Variants in ULK4 observed in about 807,000 individuals in gnomAD.
ULK4 encodes the protein inactive serine/threonine-protein kinase ULK4.
ULK4 carries 133 observed loss-of-function variants against 160.6 expected under a neutral mutation model. The ratio of observed to expected loss-of-function variants is 0.83; its 90% CI spans 0.72 to 0.96. The LOEUF is 0.96. ULK4 is among the 40% of genes least tolerant of loss of function. The probability of loss-of-function intolerance (pLI) is 0.00; values close to 1 mark genes in which losing one functional copy is unlikely to be tolerated. For synonymous variants in ULK4, 534 were observed against 539.8 expected, an observed-to-expected ratio of 0.99 and a Z score of 0.15; for missense variants, 1,580 against 1,499.5, an observed-to-expected ratio of 1.05 and a Z score of -0.89.
intron 19 of ULK4, among the ~76,000 whole-genome samples, chr3:41,817,811 C>A (rs1442708984): frequency 6.6e-6 from 1 of 151,950 alleles, no homozygotes; most frequent in Non-Finnish European, 1.5e-5. Context: ...ATAAGGACTT[C>A]AACTCAAGAG....
At chr3:41,308,833 C>CT (rs34720337) in intron 35 of ULK4, among the ~76,000 whole-genome samples, 84,022 of 151,924 alleles carry the variant, frequency 0.55, 25,105 homozygotes, top group African/African-American at 0.8. Context: ...ATCCAAAACA[C>CT]TCTGGTCATT....
rs142849774 is a variant in ULK4, at chr3:41,493,608, A to G, written c.3227-30355T>C. Among the ~76,000 whole-genome samples the G allele has an allele frequency of 2.6e-4, 36 of 136,152 alleles. 2 individuals carry two copies. The highest frequency in any genetic ancestry group is 5.0e-4 in the Non-Finnish European group (31 of 61,742). The allele number at this position is 136,152 out of a possible 152,430, so 89.3% of individuals were successfully genotyped here. ...CAGAACTGAAGCAAATACAGACACA[A>G]AAAACCCTTCAAAAAATCAGGGAAT... On this transcript the variant is annotated intron_variant, in intron 32 of 36. Transcript: ENST00000301831.
chr3:41,480,206 CAAAAAAAAAAAAA>C (rs60805184), intron 32 of ULK4, among the ~76,000 whole-genome samples: 1 of 97,182 alleles, frequency 1.0e-5, no homozygotes, highest in African/African-American at 3.8e-5. Context: ...GACTCCGTAT[CAAAAAAAAAAAAA>C]AAAAAAAAAA....
chr3:41,910,656 C>G (rs1466703749), intron 11 of ULK4, among the ~76,000 whole-genome samples: 1 of 151,982 alleles, frequency 6.6e-6, no homozygotes, highest in African/African-American at 2.4e-5. Context: ...AACAGAACCT[C>G]TTCTTTTCTG....
chr3:41,443,381 G>A (rs1575225820), intron 34 of ULK4, among the ~76,000 whole-genome samples: 1 of 152,194 alleles, frequency 6.6e-6, no homozygotes, highest in East Asian at 1.9e-4. Flanking sequence ...TTATCACTAG[G>A]GGACAAAGAG....
intron 32 of ULK4, among the ~76,000 whole-genome samples, chr3:41,492,090 C>A (rs561587096): frequency 6.6e-6 from 1 of 151,384 alleles, no homozygotes; most frequent in African/African-American, 2.4e-5. Flanking sequence ...CATAGTATTC[C>A]ATGGTGTATA....
At chr3:41,398,372 G>T in intron 34 of ULK4, 108 bp from the exon 35 acceptor site, 1 of 1,092,536 alleles carries the variant, frequency 9.2e-7, no homozygotes, top group Non-Finnish European at 1.3e-6. Flanking sequence ...TGAGTAGTCT[G>T]CTGAATACTT....
chr3:41,900,417 T>C lies in ULK4; in HGVS notation c.1287+308A>G, dbSNP rs1165220871. Among the ~76,000 whole-genome samples the C allele has an allele frequency of 1.1e-4, 17 of 152,010 alleles. No homozygotes were observed. The East Asian group carries it at 2.7e-3, about 24-fold the overall frequency. Reference sequence around the variant, plus strand: ...GAAACAAAAGGACTGAGAGCTAAGGTCTGAGGTCAAGAGGCTGGCAACCCC... The same window carrying C: ...GAAACAAAAGGACTGAGAGCTAAGGCCTGAGGTCAAGAGGCTGGCAACCCC... On this transcript the variant is annotated intron_variant, in intron 13 of 36. Coordinates refer to ENST00000301831, the MANE Select transcript of ULK4 (RefSeq NM_017886.4).
In ULK4 at chr3:41,437,814, G is replaced by C. The variant is rs150379157; in HGVS notation, c.3492+17683C>G. ...ATACTAATTAAAAGAATTTCAAATA[G>C]CACCACAGAAAGACTTCTTGAAGGG... On this transcript the variant is annotated intron_variant, in intron 34 of 36. Transcript: ENST00000301831. Among the ~76,000 whole-genome samples, 676 of 152,272 alleles carry C rather than the reference G, an allele frequency of 4.4e-3. 6 individuals are homozygous for C. The highest frequency in any genetic ancestry group is 0.011 in the African/African-American group (443 of 41,556).
At chr3:41,282,464 G>A (rs2079376845) in intron 35 of ULK4, among the ~76,000 whole-genome samples, 1 of 151,946 alleles carries the variant, frequency 6.6e-6, no homozygotes, top group Non-Finnish European at 1.5e-5. Flanking sequence ...ATAGACCAAT[G>A]GAACAGAACA....
At chr3:41,785,255 C>A (rs1402389402) in intron 21 of ULK4, among the ~76,000 whole-genome samples, 2 of 152,180 alleles carry the variant, frequency 1.3e-5, no homozygotes, top group East Asian at 1.9e-4. Flanking sequence ...TAACAAGTTT[C>A]TTTTAATATC....
chr3:41,621,593 C>T (rs1047957689), intron 30 of ULK4, among the ~76,000 whole-genome samples: 2 of 152,168 alleles, frequency 1.3e-5, no homozygotes. Flanking sequence ...CCCTTCCTTA[C>T]ACTTTATACA....
intron 35 of ULK4, among the ~76,000 whole-genome samples, chr3:41,296,796 A>C (rs2079677410): frequency 6.6e-6 from 1 of 152,050 alleles, no homozygotes; most frequent in Admixed American, 6.5e-5. Flanking sequence ...GAGGACATCC[A>C]GTGGAGTAAG....
chr3:41,498,994 A>G (rs2085093983), intron 32 of ULK4, among the ~76,000 whole-genome samples: 1 of 152,240 alleles, frequency 6.6e-6, no homozygotes, highest in Non-Finnish European at 1.5e-5. Context: ...TTCTTCAATA[A>G]AAAGGAGCAA....
intron 35 of ULK4, among the ~76,000 whole-genome samples, chr3:41,334,014 TA>T (rs984610923): frequency 2.4e-4 from 37 of 152,118 alleles, no homozygotes; most frequent in African/African-American, 8.9e-4. Flanking sequence ...GAGAGGAGAA[TA>T]AAAGTTCACA....
chr3:41,628,216 T>C (rs535137134), intron 30 of ULK4, among the ~76,000 whole-genome samples: 31 of 152,280 alleles, frequency 2.0e-4, no homozygotes, highest in African/African-American at 7.0e-4. Flanking sequence ...ATCTGAAAGA[T>C]AGTTTATTTC....
rs34968650 is a variant in ULK4, at chr3:41,593,404, G to GCACA, written c.3120+22261_3120+22264dup. ...CACCATATACCCTACACACATGCAT[G>GCACA]CACACACACACACACATATAAACAC... On this transcript the variant is annotated intron_variant, in intron 31 of 36. Transcript: ENST00000301831. Among the ~76,000 whole-genome samples the GCACA allele has an allele frequency of 1.7e-3, 255 of 150,948 alleles. No individual in the cohort carries two copies. In the South Asian group the frequency reaches 0.029, roughly 17 times the overall value.
chr3:41,950,856 A>G (rs1700268058), intron 2 of ULK4, among the ~76,000 whole-genome samples: 1 of 151,994 alleles, frequency 6.6e-6, no homozygotes, highest in African/African-American at 2.4e-5. Flanking sequence ...TTTAAAAGAC[A>G]TAAATAGGCT....
At chr3:41,485,059 A>G (rs376848106) in intron 32 of ULK4, among the ~76,000 whole-genome samples, 1 of 152,212 alleles carries the variant, frequency 6.6e-6, no homozygotes, top group African/African-American at 2.4e-5. Context: ...TCCATGTGCC[A>G]GGTATTATTC....
Sources: allele counts gnomAD v4.1 joint callset (sites outside exome capture counted in the v4.1 genomes callset), GRCh38; gene constraint gnomAD v4.1.1; transcripts MANE v1.5; gene names NCBI Gene and HGNC (gene_info 2026-07-23, HGNC 2026-07-21).